Variants in FAM135B observed in about 807,000 individuals in gnomAD.
FAM135B encodes family with sequence similarity 135 member B, also known as protein FAM135B.
FAM135B carries 43 observed loss-of-function variants against 127.7 expected under a neutral mutation model. That is an observed-to-expected ratio of 0.34 (90% CI 0.26 to 0.43). The LOEUF (loss-of-function observed/expected upper bound fraction) is 0.43. Among genes scored for constraint, FAM135B ranks in the 20% least tolerant of loss-of-function variants. The probability of loss-of-function intolerance (pLI) is 1.00; values close to 1 mark genes in which losing one functional copy is unlikely to be tolerated. For synonymous variants in FAM135B, 670 were observed against 665.1 expected (o/e 1.01, Z -0.11); for missense variants, 1,558 against 1,725.6 (o/e 0.90, Z 1.72).
chr8:138,141,904 A>T lies in FAM135B; in HGVS notation c.3639-555T>A, dbSNP rs1270570384. On this transcript the variant is annotated intron_variant, in intron 16 of 19. Coordinates refer to ENST00000395297, the MANE Select transcript of FAM135B (RefSeq NM_015912.4). The surrounding 1 kb of genome is among the most constrained non-coding windows in gnomAD (Gnocchi z 4.7). ...CGTGTTCAATGAATCATTATTCTCA[A>T]GTTAAATACTTATTTATTGAGAGCC... Among the ~76,000 whole-genome samples the T allele has an allele frequency of 1.3e-5, 2 of 152,068 alleles. No individual in the cohort carries two copies. The highest frequency in any genetic ancestry group is 4.8e-5 in the African/African-American group (2 of 41,366).
chr8:138,336,246 T>C (rs1828572611), intron 2 of FAM135B, among the ~76,000 whole-genome samples: 1 of 151,598 alleles, frequency 6.6e-6, no homozygotes, highest in African/African-American at 2.4e-5. Flanking sequence ...AGGCAAGAAA[T>C]AACTAAGATC....
chr8:138,264,267 C>T (rs1360790101), intron 4 of FAM135B, among the ~76,000 whole-genome samples: 2 of 152,224 alleles, frequency 1.3e-5, no homozygotes, highest in African/African-American at 4.8e-5. Flanking sequence ...CTGTCTGTCA[C>T]TTGTCCTCCA....
intron 3 of FAM135B, among the ~76,000 whole-genome samples, chr8:138,276,252 T>C (rs1293404742): frequency 2.6e-5 from 4 of 152,136 alleles, no homozygotes; most frequent in African/African-American, 7.2e-5. Flanking sequence ...TGCCTCCCCA[T>C]ATGCTTCCCT....
chr8:138,449,402 A>G (rs868065528), intron 1 of FAM135B, among the ~76,000 whole-genome samples: 3 of 152,078 alleles, frequency 2.0e-5, no homozygotes, highest in African/African-American at 7.2e-5. Context: ...AGGAGGAGGA[A>G]GGGCTCTGAG....
intron 1 of FAM135B, among the ~76,000 whole-genome samples, chr8:138,487,270 T>A (rs1320251701): frequency 6.6e-6 from 1 of 151,994 alleles, no homozygotes; most frequent in Non-Finnish European, 1.5e-5. Context: ...AGCAGCCCCA[T>A]CCCACTTGCA....
chr8:138,289,077 C>T (rs1824908240), intron 3 of FAM135B, among the ~76,000 whole-genome samples: 1 of 152,228 alleles, frequency 6.6e-6, no homozygotes, highest in African/African-American at 2.4e-5. Context: ...TCATTACCCA[C>T]TGTTAGCCCG....
intron 1 of FAM135B, among the ~76,000 whole-genome samples, chr8:138,459,962 C>A (rs569087178): frequency 2.6e-4 from 39 of 152,300 alleles, no homozygotes; most frequent in African/African-American, 9.1e-4. Flanking sequence ...ATGAATAGAA[C>A]CATAGAACTT....
chr8:138,413,827 C>T (rs545696308), intron 1 of FAM135B, among the ~76,000 whole-genome samples: 2 of 152,204 alleles, frequency 1.3e-5, no homozygotes, highest in South Asian at 4.1e-4. Flanking sequence ...TGGCCCTCCT[C>T]CTCTAGCACT....
At chr8:138,451,884 G>C (rs1268245440) in intron 1 of FAM135B, among the ~76,000 whole-genome samples, 1 of 152,152 alleles carries the variant, frequency 6.6e-6, no homozygotes, top group Non-Finnish European at 1.5e-5. Flanking sequence ...GATGTTTCAA[G>C]ACATTGCGGT....
chr8:138,137,053 T>C (rs1816722556), intron 19 of FAM135B, 94 bp downstream of exon 19: 1 of 731,724 alleles, frequency 1.4e-6, no homozygotes, highest in Non-Finnish European at 2.5e-6. Context: ...ACTAAACCTA[T>C]AGCCCAGGTG....
chr8:138,202,672 G>A (rs1051199059), intron 7 of FAM135B, among the ~76,000 whole-genome samples: 1 of 152,190 alleles, frequency 6.6e-6, no homozygotes, highest in African/African-American at 2.4e-5. Context: ...TCAGAGGGTT[G>A]CTATTAGGGA....
chr8:138,220,674 A>G (rs1174775384), intron 7 of FAM135B, among the ~76,000 whole-genome samples: 1 of 152,184 alleles, frequency 6.6e-6, no homozygotes, highest in Non-Finnish European at 1.5e-5. Flanking sequence ...AGTGGTGGTG[A>G]TAACAAAATT....
chr8:138,473,596 A>G (rs1304261934), intron 1 of FAM135B, among the ~76,000 whole-genome samples: 1 of 152,170 alleles, frequency 6.6e-6, no homozygotes, highest in Non-Finnish European at 1.5e-5. Context: ...CATTGCTCCA[A>G]CCAGATTCAG....
rs1159717379 is a variant in FAM135B, at chr8:138,389,258, G to A, written c.-19-21256C>T. On this transcript the variant is annotated intron_variant, in intron 1 of 19. Transcript: ENST00000395297. ...GAAATCAGTTTGATGGCACCTCAATGAATTAAACCTAGAATTACCACACGA... is the reference window on the plus strand; with the variant it reads ...GAAATCAGTTTGATGGCACCTCAATAAATTAAACCTAGAATTACCACACGA... 3.9e-5 allele frequency among the ~76,000 whole-genome samples: 6 copies of A among 152,150 alleles called. No individual in the cohort carries two copies. In the South Asian group the frequency reaches 1.2e-3, roughly 31 times the overall value.
At chr8:138,347,116 A>C (rs1179623101) in intron 2 of FAM135B, among the ~76,000 whole-genome samples, 10 of 152,166 alleles carry the variant, frequency 6.6e-5, no homozygotes, top group Non-Finnish European at 1.5e-4. Flanking sequence ...AGAATGAATG[A>C]ATGAATGAAT....
intron 1 of FAM135B, among the ~76,000 whole-genome samples, chr8:138,464,964 G>A (rs565255178): frequency 3.4e-4 from 52 of 152,258 alleles, no homozygotes; most frequent in Non-Finnish European, 6.8e-4. Context: ...AACTATCAGC[G>A]TTACTCATTA....
At chr8:138,250,705 G>A in intron 6 of FAM135B, 136 bp downstream of exon 6, 2 of 939,656 alleles carry the variant, frequency 2.1e-6, no homozygotes, top group South Asian at 3.3e-5. Flanking sequence ...CCTCAGTGAG[G>A]CCCAAAGCTT....
intron 1 of FAM135B, among the ~76,000 whole-genome samples, chr8:138,462,427 A>C (rs1837179580): frequency 6.6e-6 from 1 of 152,198 alleles, no homozygotes; most frequent in African/African-American, 2.4e-5. Flanking sequence ...GAATGAAGTC[A>C]ACTCCAAGGG....
intron 12 of FAM135B, among the ~76,000 whole-genome samples, chr8:138,158,111 A>G (rs1818955301): frequency 6.6e-6 from 1 of 152,220 alleles, no homozygotes; most frequent in Non-Finnish European, 1.5e-5. Flanking sequence ...ATATAGACCA[A>G]TGGAACAGAA....
Sources: allele counts gnomAD v4.1 joint callset (sites outside exome capture counted in the v4.1 genomes callset), GRCh38; gene constraint gnomAD v4.1.1; non-coding constraint Gnocchi (gnomAD v3.1); transcripts MANE v1.5; gene names NCBI Gene and HGNC (gene_info 2026-07-23, HGNC 2026-07-21).